Variants in SHISA9 observed in about 807,000 individuals in gnomAD.
SHISA9 encodes shisa family member 9, also known as protein shisa-9.
A neutral mutation model predicts 38.0 loss-of-function variants in SHISA9; 13 were observed. That is an observed-to-expected ratio of 0.34 (90% CI 0.22 to 0.54). The LOEUF (loss-of-function observed/expected upper bound fraction) is 0.54, where lower values mean the gene tolerates loss of function less well. Among genes scored for constraint, SHISA9 ranks in the 20% least tolerant of loss-of-function variants. The pLI is 0.91. For missense variants in SHISA9, 538 were observed against 575.8 expected (o/e 0.93, Z 0.67); for synonymous variants, 275 against 242.0 (o/e 1.14, Z -1.27).
the SHISA9 span, among the ~76,000 whole-genome samples, chr16:13,560,420 T>C: frequency 6.6e-6 from 1 of 152,136 alleles, no homozygotes; most frequent in Non-Finnish European, 1.5e-5. Context: ...TATCAGCACC[T>C]GAAGAATTTT....
chr16:12,973,808 G>A (rs1388498392), intron 2 of SHISA9, among the ~76,000 whole-genome samples: 1 of 152,196 alleles, frequency 6.6e-6, no homozygotes, highest in Non-Finnish European at 1.5e-5. Flanking sequence ...GACTTCAGAA[G>A]GCTATGTTCT....
chr16:13,150,085 G>A (rs2050485610), intron 2 of SHISA9, among the ~76,000 whole-genome samples: 1 of 127,662 alleles, frequency 7.8e-6, no homozygotes, highest in Non-Finnish European at 1.6e-5. Context: ...TAAAAGTCCA[G>A]AGTGTCAACC....
chr16:13,462,641 A>G, the SHISA9 span, among the ~76,000 whole-genome samples: 1 of 152,114 alleles, frequency 6.6e-6, no homozygotes, highest in South Asian at 2.1e-4. Context: ...CCTGGCCAAC[A>G]TGGTAAAACC....
intron 4 of SHISA9, among the ~76,000 whole-genome samples, chr16:13,222,048 G>A (rs557149224): frequency 7.9e-5 from 12 of 152,254 alleles, no homozygotes; most frequent in Non-Finnish European, 1.3e-4. Context: ...AGCAAAACAC[G>A]TCTTACATGG....
the SHISA9 span, among the ~76,000 whole-genome samples, chr16:13,315,650 A>G: frequency 1.3e-5 from 2 of 152,254 alleles, no homozygotes; most frequent in African/African-American, 4.8e-5. Flanking sequence ...TGTTAATAGG[A>G]TACCTACCTC....
the SHISA9 span, among the ~76,000 whole-genome samples, chr16:13,414,620 G>GTTCT: frequency 2.1e-5 from 3 of 143,784 alleles, no homozygotes; most frequent in South Asian, 4.6e-4. Flanking sequence ...ATGTTCGTTC[G>GTTCT]TTCTTTCTTT....
the SHISA9 span, among the ~76,000 whole-genome samples, chr16:13,284,889 G>A: frequency 6.6e-6 from 1 of 152,176 alleles, no homozygotes; most frequent in African/African-American, 2.4e-5. Flanking sequence ...GTGAGCCACT[G>A]TGCCCAGTCT....
chr16:13,079,395 C>A (rs536845706), intron 2 of SHISA9, among the ~76,000 whole-genome samples: 1 of 152,166 alleles, frequency 6.6e-6, no homozygotes. Flanking sequence ...TAAGCTTTTA[C>A]TATATATGAT....
the SHISA9 span, among the ~76,000 whole-genome samples, chr16:13,442,463 A>G: frequency 6.6e-6 from 1 of 151,998 alleles, no homozygotes; most frequent in African/African-American, 2.4e-5. Context: ...ATGCACCACC[A>G]CACTTGGCTA....
the SHISA9 span, among the ~76,000 whole-genome samples, chr16:13,470,490 C>T: frequency 6.6e-6 from 1 of 152,152 alleles, no homozygotes; most frequent in Non-Finnish European, 1.5e-5. Flanking sequence ...GAAGCAAAGG[C>T]ACATCTTACA....
chr16:13,110,030 C>T (rs1052746956), intron 2 of SHISA9, among the ~76,000 whole-genome samples: 84 of 152,146 alleles, frequency 5.5e-4, no homozygotes, highest in Admixed American at 1.2e-3. Context: ...AGTGGAATTG[C>T]TGGGTAATAT....
At chr16:13,020,435 C>G (rs2072838382) in intron 2 of SHISA9, among the ~76,000 whole-genome samples, 1 of 152,084 alleles carries the variant, frequency 6.6e-6, no homozygotes, top group Non-Finnish European at 1.5e-5. Flanking sequence ...CATTTAGCTC[C>G]CATTTGTAAG....
chr16:13,329,220 G>A, the SHISA9 span, among the ~76,000 whole-genome samples: 1 of 152,300 alleles, frequency 6.6e-6, no homozygotes, highest in East Asian at 1.9e-4. Flanking sequence ...AAAATCAGGA[G>A]CAGTCTGCTG....
the SHISA9 span, among the ~76,000 whole-genome samples, chr16:13,479,738 A>T: frequency 6.6e-6 from 1 of 152,218 alleles, no homozygotes; most frequent in Non-Finnish European, 1.5e-5. Flanking sequence ...ACCAGAAATG[A>T]CGTCATGCAT....
chr16:13,392,518 G>T, the SHISA9 span, among the ~76,000 whole-genome samples: 1 of 152,130 alleles, frequency 6.6e-6, no homozygotes, highest in East Asian at 1.9e-4. Flanking sequence ...CCATTTTACA[G>T]CCCAGGGACT....
At chr16:13,382,530 CAAAAA>C in the SHISA9 span, among the ~76,000 whole-genome samples, 2 of 48,994 alleles carry the variant, frequency 4.1e-5, no homozygotes, top group African/African-American at 7.0e-5. Flanking sequence ...AACTCCATCT[CAAAAA>C]AAAAAAAAAA....
the SHISA9 span, among the ~76,000 whole-genome samples, chr16:13,438,455 T>C: frequency 2.0e-5 from 3 of 152,168 alleles, no homozygotes; most frequent in Admixed American, 6.5e-5. Flanking sequence ...AGTGCTTTGA[T>C]AGCTATTTGA....
At chr16:12,953,204 C>A (rs893904275) in intron 2 of SHISA9, among the ~76,000 whole-genome samples, 1 of 144,580 alleles carries the variant, frequency 6.9e-6, no homozygotes, top group East Asian at 2.0e-4. Context: ...AACAAAAAAA[C>A]CCCTCAACAA....
chr16:13,284,247 A>G, the SHISA9 span, among the ~76,000 whole-genome samples: 9 of 152,238 alleles, frequency 5.9e-5, no homozygotes, highest in African/African-American at 1.7e-4. Flanking sequence ...TTCCTCTTTC[A>G]TGAATCACAA....
Sources: gnomAD v4.1 joint callset for allele counts (sites outside exome capture counted in the v4.1 genomes callset) on GRCh38, gnomAD v4.1.1 for gene constraint, MANE v1.5 for transcripts, NCBI Gene and HGNC (gene_info 2026-07-23, HGNC 2026-07-21) for gene names.